IGSF10: variants seen among roughly 807,000 people sequenced by gnomAD.
IGSF10 encodes the protein calvaria mechanical force protein 608.
In IGSF10, 126 loss-of-function variants were observed where a neutral mutation model predicts 128.2. That is an observed-to-expected ratio of 0.98 (90% confidence interval 0.85 to 1.14). IGSF10 has a LOEUF of 1.14. IGSF10 is among the 50% of genes most tolerant of loss of function. The probability of loss-of-function intolerance (pLI) is 0.00; values close to 1 mark genes in which losing one functional copy is unlikely to be tolerated. For missense variants in IGSF10, 3,295 were observed against 3,149.8 expected, an observed-to-expected ratio of 1.05 and a Z score of -1.10; for synonymous variants, 1,185 against 1,146.2, an observed-to-expected ratio of 1.03 and a Z score of -0.68.
In IGSF10 at chr3:151,447,706, G is replaced by A. The variant is rs141599290; in HGVS notation, c.2275C>T (p.Leu759=). ...GCATTCTTTTTAGCTTTCTCCAACA[G>A]TGCCGCCCAATGTTGTGGGTCAATT... ...RRIDPQHWAA[L]LEKAKKNAMP... The change falls in exon 6 of 8, where the codon CTG becomes TTG. Residue 759 remains leucine, a synonymous_variant. Transcript: ENST00000282466. 88 of 1,614,116 alleles carry A rather than the reference G, an allele frequency of 5.5e-5. No homozygotes were observed. The African/African-American group carries it at 1.1e-3, about 19-fold the overall frequency.
upstream of IGSF10, among the ~76,000 whole-genome samples, chr3:151,463,523 G>GGTTTTTTTTTTTGTTTTT (rs1553837068): frequency 3.2e-5 from 1 of 31,272 alleles, no homozygotes; most frequent in African/African-American, 1.2e-4. Flanking sequence ...ACATTTTCTG[G>GGTTTTTTTTTTTGTTTTT]TTTTTTTTTT....
chr3:151,453,522 A>G lies in IGSF10; in HGVS notation c.577T>C (p.Ser193Pro), dbSNP rs1439949716. ...GGGAGGGAGGTCAGGAAGTTATCAGACAAGTATAGGAACTTAATGAAAGAG... is the reference window on the plus strand; with the variant it reads ...GGGAGGGAGGTCAGGAAGTTATCAGGCAAGTATAGGAACTTAATGAAAGAG... ...KISFIKFLYL[S>P]DNFLTSLPQE... The change falls in exon 5 of 8, where the codon TCT (serine) becomes CCT (proline). Residue 193 changes from serine (S) to proline (P), a missense_variant. Transcript: ENST00000282466. The G allele has an allele frequency of 6.2e-7, 1 of 1,614,162 alleles. No homozygotes were observed. Among genetic ancestry groups the G allele is most frequent in the South Asian group, 1.1e-5 (1 of 91,084 alleles).
the IGSF10 span, among the ~76,000 whole-genome samples, chr3:151,480,785 G>C: frequency 6.6e-6 from 1 of 151,878 alleles, no homozygotes; most frequent in African/African-American, 2.4e-5. Context: ...CTCCCTATAG[G>C]GCTGAACTGA....
rs1424297176 is a variant in IGSF10 at position 151,437,221 on chromosome 3, C to T, written c.7340G>A (p.Gly2447Glu). Residue 2447 changes from glycine to glutamate, a missense_variant, in exon 8 of 8, where the codon GGA becomes GAA. Transcript: ENST00000282466. ...YAPGTVKGIS[G>E]ESLSLHCVSD... is the part of the protein sequence containing the mutation. ...CACACAATGCAGTGATAGAGATTCT[C>T]CACTGATGCCTTTTACTGTCCCTGG... is the stretch of plus-strand genomic sequence containing the variant. 3 of 1,614,186 alleles carry T rather than the reference C, an allele frequency of 1.9e-6. No homozygotes were observed. The highest frequency in any genetic ancestry group is 2.2e-5 in the East Asian group (1 of 44,884).
the IGSF10 span, among the ~76,000 whole-genome samples, chr3:151,518,193 A>G: frequency 6.6e-6 from 1 of 151,994 alleles, no homozygotes; most frequent in Non-Finnish European, 1.5e-5. Flanking sequence ...CTCTTGTGCC[A>G]ATCACTGAGT....
the IGSF10 span, among the ~76,000 whole-genome samples, chr3:151,475,387 G>A: frequency 0.3 from 45,136 of 152,126 alleles, 7,386 homozygotes; most frequent in Middle Eastern, 0.38. Flanking sequence ...AAATGTTAAT[G>A]CAAATTAAAT....
At chr3:151,476,142 A>G in the IGSF10 span, 1 of 152,332 alleles carries the variant, frequency 6.6e-6, no homozygotes. Flanking sequence ...TCTCTGTGAT[A>G]TCACCTATTT....
the IGSF10 span, among the ~76,000 whole-genome samples, chr3:151,507,529 T>C: frequency 6.6e-6 from 1 of 152,166 alleles, no homozygotes; most frequent in African/African-American, 2.4e-5. Flanking sequence ...GGAGATTTAA[T>C]TGACTTAGAG....
upstream of IGSF10, among the ~76,000 whole-genome samples, chr3:151,465,218 T>G (rs1722237823): frequency 6.6e-6 from 1 of 152,176 alleles, no homozygotes; most frequent in Non-Finnish European, 1.5e-5. Flanking sequence ...AATCTCACAT[T>G]TTTGTTAGTG....
chr3:151,578,276 G>A, the IGSF10 span, among the ~76,000 whole-genome samples: 766 of 152,276 alleles, frequency 5.0e-3, 10 homozygotes, highest in African/African-American at 0.018. Context: ...TTCCTGAAAG[G>A]CCAGATAGTA....
chr3:151,439,394 C>T (rs1160110630), intron 7 of IGSF10, among the ~76,000 whole-genome samples: 1 of 152,232 alleles, frequency 6.6e-6, no homozygotes. Flanking sequence ...GGGCAGATCA[C>T]TTGAGGGCAG....
chr3:151,475,277 A>G, the IGSF10 span, among the ~76,000 whole-genome samples: 2 of 152,238 alleles, frequency 1.3e-5, no homozygotes, highest in African/African-American at 4.8e-5. Flanking sequence ...ACTTGTAAAC[A>G]CACAGACCAA....
At chr3:151,522,095 C>T in the IGSF10 span, among the ~76,000 whole-genome samples, 76 of 152,080 alleles carry the variant, frequency 5.0e-4, no homozygotes, top group Middle Eastern at 0.014. Context: ...ACTAGAAAAC[C>T]TAGAAGAGAT....
At chr3:151,525,044 T>TAA in the IGSF10 span, among the ~76,000 whole-genome samples, 38 of 89,916 alleles carry the variant, frequency 4.2e-4, 2 homozygotes, top group African/African-American at 1.6e-3. Flanking sequence ...TTTTTTTTTT[T>TAA]AAAGAGAGCC....
At chr3:151,463,522 G>GTTTTTTTTTTT (rs1553837055), upstream of IGSF10, among the ~76,000 whole-genome samples, 1 of 31,870 alleles carries the variant, frequency 3.1e-5, no homozygotes. Flanking sequence ...TACATTTTCT[G>GTTTTTTTTTTT]GTTTTTTTTT....
chr3:151,537,738 C>T, the IGSF10 span, among the ~76,000 whole-genome samples: 40 of 152,098 alleles, frequency 2.6e-4, no homozygotes, highest in African/African-American at 9.4e-4. Flanking sequence ...ATAATAATCT[C>T]TTCTAGGATT....
the IGSF10 span, among the ~76,000 whole-genome samples, chr3:151,564,593 G>C: frequency 6.6e-6 from 1 of 152,126 alleles, no homozygotes; most frequent in Non-Finnish European, 1.5e-5. Context: ...ACTGAGAAGT[G>C]GCTGACCTTT....
rs1418197078 is a variant in IGSF10, at chr3:151,458,703, C to T, written c.7G>A (p.Val3Ile). ...AAGCAGGTGATTCCTCTGCCTTTTA[C>T]CTTCATCCTGAAAAAACATCATACC... MK[V>I]KGRGITCLLV... The change falls in exon 3 of 8, where the codon GTA becomes ATA. Residue 3 changes from valine to isoleucine, a missense_variant. Coordinates refer to ENST00000282466, the MANE Select transcript of IGSF10 (RefSeq NM_178822.5). 1 of 1,612,200 alleles carries T rather than the reference C, an allele frequency of 6.2e-7. No individual in the cohort carries two copies. Among genetic ancestry groups the T allele is most frequent in the African/African-American group, 1.3e-5 (1 of 74,864 alleles).
At chr3:151,607,401 T>A in the IGSF10 span, among the ~76,000 whole-genome samples, 79 of 151,510 alleles carry the variant, frequency 5.2e-4, no homozygotes, top group South Asian at 9.0e-3. Flanking sequence ...GTATAAAATT[T>A]TAAAAAAAAA....
Sources: gnomAD v4.1 joint callset for allele counts (sites outside exome capture counted in the v4.1 genomes callset) on GRCh38, gnomAD v4.1.1 for gene constraint, MANE v1.5 for transcripts, NCBI Gene and HGNC (gene_info 2026-07-23, HGNC 2026-07-21) for gene names.